The following EXOC2 variants were observed in gnomAD, a reference collection of about 807,000 sequenced individuals.
EXOC2 encodes exocyst complex component 2.
EXOC2 carries 70 observed loss-of-function variants against 131.8 expected under a neutral mutation model. The ratio of observed to expected loss-of-function variants is 0.53; its 90% CI spans 0.44 to 0.65. The LOEUF (loss-of-function observed/expected upper bound fraction) is 0.65, where lower values mean the gene tolerates loss of function less well. EXOC2 is among the 30% of genes least tolerant of loss of function. The pLI is 0.00. For missense variants in EXOC2, 923 were observed against 1,108.6 expected (o/e 0.83, Z 2.38); for synonymous variants, 411 against 398.4 (o/e 1.03, Z -0.38).
At position 532,457 on chromosome 6, in the gene EXOC2, T is replaced by C; in HGVS notation, c.2380+12A>G. 1 of 1,560,754 alleles carries C rather than the reference T, an allele frequency of 6.4e-7. No individual in the cohort carries two copies. Among genetic ancestry groups the C allele is most frequent in the South Asian group, 1.2e-5 (1 of 80,756 alleles). ...TATCCACATCTATTACTCAAGAAACTTTATTACTTACCTGTTGGAGGCAGG... is the reference window on the plus strand; with the variant it reads ...TATCCACATCTATTACTCAAGAAACCTTATTACTTACCTGTTGGAGGCAGG... On this transcript the variant is annotated intron_variant, in intron 23 of 27. Coordinates refer to ENST00000230449, the MANE Select transcript of EXOC2 (RefSeq NM_018303.6).
At chr6:642,219 C>T (rs1762387792) in intron 1 of EXOC2, among the ~76,000 whole-genome samples, 1 of 152,180 alleles carries the variant, frequency 6.6e-6, no homozygotes, top group Non-Finnish European at 1.5e-5. Context: ...CTGATCCCTC[C>T]TTCTATTAAA....
intron 22 of EXOC2, among the ~76,000 whole-genome samples, chr6:540,357 G>A (rs1267909731): frequency 2.0e-5 from 3 of 152,274 alleles, no homozygotes; most frequent in Admixed American, 1.3e-4. Context: ...TTGACGATTT[G>A]ATTTTCTATC....
chr6:681,312 G>A (rs968358889), intron 1 of EXOC2, among the ~76,000 whole-genome samples: 5 of 152,130 alleles, frequency 3.3e-5, no homozygotes, highest in African/African-American at 9.7e-5. Context: ...TCACCTCTGG[G>A]TGACAAGAGG....
intron 11 of EXOC2, among the ~76,000 whole-genome samples, chr6:581,295 CAAAAA>C (rs1170685484): frequency 2.8e-5 from 2 of 71,986 alleles, no homozygotes; most frequent in Non-Finnish European, 5.9e-5. Context: ...GACTCTGTCT[CAAAAA>C]AAAAAAAAAA....
At chr6:622,624 G>A (rs565055661) in intron 4 of EXOC2, among the ~76,000 whole-genome samples, 33 of 152,154 alleles carry the variant, frequency 2.2e-4, no homozygotes, top group African/African-American at 8.0e-4. Context: ...TGGAGAAACG[G>A]CTAAGAACAC....
intron 23 of EXOC2, among the ~76,000 whole-genome samples, chr6:526,124 T>C (rs979290476): frequency 1.3e-5 from 2 of 152,214 alleles, no homozygotes; most frequent in Non-Finnish European, 2.9e-5. Context: ...TCTATACATA[T>C]AAATGTGTGC....
intron 1 of EXOC2, among the ~76,000 whole-genome samples, chr6:688,680 T>C (rs1764776997): frequency 6.6e-6 from 1 of 152,196 alleles, no homozygotes; most frequent in Non-Finnish European, 1.5e-5. Context: ...ACAGCCCTAC[T>C]TTCTCCTTCT....
At chr6:499,027 T>C (rs1485416568) in intron 24 of EXOC2, among the ~76,000 whole-genome samples, 1 of 152,190 alleles carries the variant, frequency 6.6e-6, no homozygotes, top group Non-Finnish European at 1.5e-5. Context: ...AGAAGAGTCC[T>C]CCTAACCAGG....
rs150684760 is a variant in EXOC2, at chr6:517,219, C to T, written c.2380+15250G>A. Among the ~76,000 whole-genome samples, 83 of 152,156 alleles carry T rather than the reference C, an allele frequency of 5.5e-4. No homozygotes were observed. In the East Asian group the frequency reaches 0.015, roughly 27 times the overall value. The stretch of plus-strand genomic sequence containing the variant: ...TTCATATTCCATCAATTCCTCCCAA[C>T]GGCTGATTCTACGAAGCAAGGAAAC... On this transcript the variant is annotated intron_variant, in intron 23 of 27. Coordinates refer to ENST00000230449, the MANE Select transcript of EXOC2 (RefSeq NM_018303.6).
intron 23 of EXOC2, among the ~76,000 whole-genome samples, chr6:514,122 A>G (rs1379796618): frequency 1.3e-5 from 2 of 152,226 alleles, no homozygotes; most frequent in Non-Finnish European, 2.9e-5. Flanking sequence ...CCTTGGCTGT[A>G]AAAGAAAGGG....
intron 1 of EXOC2, among the ~76,000 whole-genome samples, chr6:646,388 C>T (rs889958761): frequency 6.6e-6 from 1 of 152,102 alleles, no homozygotes; most frequent in Non-Finnish European, 1.5e-5. Flanking sequence ...GGTTAAAGGG[C>T]TTCCTGGAGT....
intron 22 of EXOC2, among the ~76,000 whole-genome samples, chr6:542,413 C>T (rs143936437): frequency 1.2e-4 from 19 of 152,126 alleles, no homozygotes; most frequent in African/African-American, 4.3e-4. Context: ...GAGGACGGTA[C>T]GGTGCACCTT....
At chr6:631,306 G>A (rs1445187887) in intron 3 of EXOC2, among the ~76,000 whole-genome samples, 2 of 152,168 alleles carry the variant, frequency 1.3e-5, no homozygotes, top group African/African-American at 2.4e-5. Flanking sequence ...TTGGGAGGCC[G>A]AGGTGGGCGA....
intron 1 of EXOC2, among the ~76,000 whole-genome samples, chr6:658,987 A>G (rs890823310): frequency 4.6e-5 from 7 of 152,090 alleles, no homozygotes; most frequent in African/African-American, 1.7e-4. Flanking sequence ...TTTACATTAA[A>G]TCCTCCCACT....
Position 636,629 on chromosome 6 carries a change from G to A in EXOC2, c.118+1072C>T, listed in dbSNP as rs1267268859. Among the ~76,000 whole-genome samples, 7 of 152,258 alleles carry A rather than the reference G, an allele frequency of 4.6e-5. No homozygotes were observed. The South Asian group carries it at 6.2e-4, about 14-fold the overall frequency. ...ATGCAGGAAAAGCAAGTTCCAATTC[G>A]TGATTTCAGAACCTTAGTAACAGCT... On this transcript the variant is annotated intron_variant, in intron 2 of 27. Coordinates refer to ENST00000230449, the MANE Select transcript of EXOC2 (RefSeq NM_018303.6).
At chr6:592,748 A>G (rs1759611493) in intron 10 of EXOC2, among the ~76,000 whole-genome samples, 161 bp from the exon 11 acceptor site, 1 of 152,146 alleles carries the variant, frequency 6.6e-6, no homozygotes, top group African/African-American at 2.4e-5. Context: ...TTTCTTGGCT[A>G]GGTGAGATGG....
At chr6:658,665 A>T (rs199546307) in intron 1 of EXOC2, among the ~76,000 whole-genome samples, 1,175 of 115,518 alleles carry the variant, frequency 0.01, 19 homozygotes, top group East Asian at 0.022. Flanking sequence ...ATATATATAT[A>T]TTTTTTTTTT....
chr6:690,267 G>A (rs1331384903), intron 1 of EXOC2, among the ~76,000 whole-genome samples: 2 of 151,700 alleles, frequency 1.3e-5, no homozygotes, highest in Non-Finnish European at 2.9e-5. Context: ...GAGGTAGAAG[G>A]ATTTCTGGAA....
At chr6:581,295 CAAA>C (rs1170685484) in intron 11 of EXOC2, among the ~76,000 whole-genome samples, 1 of 71,966 alleles carries the variant, frequency 1.4e-5, no homozygotes. Flanking sequence ...GACTCTGTCT[CAAA>C]AAAAAAAAAA....
Sources: gnomAD v4.1 joint callset for allele counts (sites outside exome capture counted in the v4.1 genomes callset) on GRCh38, gnomAD v4.1.1 for gene constraint, MANE v1.5 for transcripts, NCBI Gene and HGNC (gene_info 2026-07-23, HGNC 2026-07-21) for gene names.